The following FANCM variants were observed in gnomAD, a reference collection of about 807,000 sequenced individuals.
FANCM encodes the protein Fanconi anemia group M protein.
Under a neutral mutation model 199.5 loss-of-function variants are expected in FANCM, and 140 were observed. That is an observed-to-expected ratio of 0.70 (90% confidence interval 0.61 to 0.81). The LOEUF is 0.81. FANCM is among the 30% of genes least tolerant of loss of function. The pLI is 0.00. For missense variants in FANCM, 2,410 were observed against 2,421.4 expected, an observed-to-expected ratio of 1.00 and a Z score of 0.10; for synonymous variants, 840 against 836.8, an observed-to-expected ratio of 1.00 and a Z score of -0.07.
chr14:45,198,721 A>G lies in FANCM; in HGVS notation c.5794A>G (p.Ile1932Val), dbSNP rs1654626926. 1 of 1,613,890 alleles carries G rather than the reference A, an allele frequency of 6.2e-7. No homozygotes were observed. Among genetic ancestry groups the G allele is most frequent in the Admixed American group, 1.7e-5 (1 of 60,004 alleles). The change falls in exon 22 of 23, where the codon ATT (isoleucine) becomes GTT (valine). Residue 1932 changes from isoleucine (I) to valine (V), a missense_variant. Ile to Val is a conservative substitution (Grantham distance 29). Transcript: ENST00000267430. Reference sequence around the variant, plus strand: ...TACCTTAATTGGCGCTGGAATCCGAATTCTTTTCAGTTCCTGCCAAGAAGA... The same window carrying G: ...TACCTTAATTGGCGCTGGAATCCGAGTTCTTTTCAGTTCCTGCCAAGAAGA... ...LTTLIGAGIR[I>V]LFSSCQEETA...
At chr14:45,197,077 G>A (rs1890099398) in intron 21 of FANCM, among the ~76,000 whole-genome samples, 1 of 152,180 alleles carries the variant, frequency 6.6e-6, no homozygotes, top group African/African-American at 2.4e-5. Flanking sequence ...GCATTTGGAA[G>A]TGCAGGATTG....
chr14:45,145,751 C>T (rs999364897), intron 3 of FANCM, among the ~76,000 whole-genome samples: 3 of 151,886 alleles, frequency 2.0e-5, no homozygotes, highest in Non-Finnish European at 4.4e-5. Flanking sequence ...AGTGAAACCC[C>T]GTCTCTACTA....
intron 5 of FANCM, 100 bp downstream of exon 5, chr14:45,151,628 A>G (rs553258548): frequency 8.9e-6 from 10 of 1,129,482 alleles, no homozygotes; most frequent in African/African-American, 3.1e-5. Flanking sequence ...TAGCTCATCA[A>G]TAATTGAAAA....
chr14:45,188,402 A>T (rs1375406717), intron 19 of FANCM, among the ~76,000 whole-genome samples: 2 of 152,224 alleles, frequency 1.3e-5, no homozygotes, highest in East Asian at 1.9e-4. Flanking sequence ...TTTCATAAAA[A>T]TGTTAAATGC....
intron 13 of FANCM, among the ~76,000 whole-genome samples, chr14:45,173,522 A>G (rs534396912): frequency 4.8e-4 from 73 of 152,266 alleles, no homozygotes; most frequent in African/African-American, 1.7e-3. Flanking sequence ...TCTGTCATCT[A>G]GGTTATTTGA....
In FANCM at chr14:45,164,512, C is replaced by T. The variant is rs149698772; in HGVS notation, c.1735C>T (p.Arg579Cys). 9 of 1,613,398 alleles carry T rather than the reference C, an allele frequency of 5.6e-6. No individual in the cohort carries two copies. Among genetic ancestry groups the T allele is most frequent in the Non-Finnish European group, 7.6e-6 (9 of 1,179,984 alleles). The change falls in exon 10 of 23, where the codon CGT becomes TGT. Residue 579 changes from arginine (R) to cysteine (C), a missense_variant. Transcript: ENST00000267430. ...TGTACAACGAATGGGTAGAACTGGC[C>T]GTAAACGTCAAGGCAGGATAGTTAT... ...RLVQRMGRTG[R>C]KRQGRIVIIL... is the part of the protein sequence containing the mutation.
chr14:45,198,578 G>A (rs1445284847), intron 21 of FANCM, 66 bp from the exon 22 acceptor site: 12 of 849,904 alleles, frequency 1.4e-5, no homozygotes, highest in Admixed American at 3.1e-5. Context: ...ATAAAATAAA[G>A]TATATTAATA....
Position 45,175,707 on chromosome 14 carries a change from G to T in FANCM, c.2953G>T (p.Glu985Ter), listed in dbSNP as rs757786801. 6.2e-7 allele frequency: 1 copy of T among 1,613,760 alleles called. No individual in the cohort carries two copies. Among genetic ancestry groups the T allele is most frequent in the South Asian group, 1.1e-5 (1 of 91,070 alleles). Reference sequence around the variant, plus strand: ...TTATAATTGTCACTCATTGACAAAAGAGGTACTAGCTAATGTAGAGAGATT... The same window carrying T: ...TTATAATTGTCACTCATTGACAAAATAGGTACTAGCTAATGTAGAGAGATT... ...QFYNCHSLTK[E>*]VLANVERFLS... Residue 985 changes from glutamate (E) to a stop codon, truncating the protein, a stop_gained, in exon 14 of 23, where the codon GAG becomes TAG. Transcript: ENST00000267430. LOFTEE classifies it high-confidence loss of function.
chr14:45,155,719 A>G (rs2139174972), intron 8 of FANCM, among the ~76,000 whole-genome samples: 1 of 152,354 alleles, frequency 6.6e-6, no homozygotes, highest in South Asian at 2.1e-4. Context: ...GAATCGCTTG[A>G]ACCTGGGAGG....
Position 45,136,117 on chromosome 14 carries a change from C to G in FANCM, c.86C>G (p.Thr29Ser), listed in dbSNP as rs1333987781. 2 of 1,614,170 alleles carry G rather than the reference C, an allele frequency of 1.2e-6. No homozygotes were observed. The highest frequency in any genetic ancestry group is 1.6e-4 in the Middle Eastern group (1 of 6,062). The change falls in exon 1 of 23, where the codon ACT (threonine) becomes AGT (serine). Residue 29 changes from threonine (T) to serine (S), a missense_variant. Transcript: ENST00000267430. ...GGGACTCCGGGTTGCAGCTCCGGAA[C>G]TGAGCGACCTCAGAGCCCTGGCAGC... is the stretch of plus-strand genomic sequence containing the variant. ...SSGTPGCSSG[T>S]ERPQSPGSSK...
At chr14:45,173,494 G>A (rs927359851) in intron 13 of FANCM, among the ~76,000 whole-genome samples, 68 of 152,054 alleles carry the variant, frequency 4.5e-4, no homozygotes, top group African/African-American at 1.5e-3. Context: ...TTTTGGATTC[G>A]GATTTATTGA....
rs201232194 is a variant in FANCM at position 45,175,131 on chromosome 14, A to T, written c.2377A>T (p.Thr793Ser). 1.8e-5 allele frequency: 29 copies of T among 1,612,214 alleles called. No individual in the cohort carries two copies. In the Admixed American group the frequency reaches 4.5e-4, roughly 25 times the overall value. ...TTTACAAATGGAAGATGTTACCTCA[A>T]CATTTATTGCTCCCAGGAATGAATC... ...SYLQMEDVTS[T>S]FIAPRNESNN... Residue 793 changes from threonine to serine, a missense_variant, in exon 14 of 23, where the codon ACA becomes TCA. By Grantham distance (58) the Thr-to-Ser change is moderately conservative. Transcript: ENST00000267430.
chr14:45,182,930 G>A (rs966812416), intron 16 of FANCM, among the ~76,000 whole-genome samples: 1 of 152,124 alleles, frequency 6.6e-6, no homozygotes, highest in Non-Finnish European at 1.5e-5. Context: ...AATATCTCAT[G>A]TAATTTATTA....
At chr14:45,194,558 A>G (rs1418094124) in intron 20 of FANCM, among the ~76,000 whole-genome samples, 1 of 152,176 alleles carries the variant, frequency 6.6e-6, no homozygotes, top group African/African-American at 2.4e-5. Flanking sequence ...TAATAGTAAT[A>G]TACAGATATA....
At chr14:45,149,082 T>C (rs1886636279) in intron 4 of FANCM, 87 bp downstream of exon 4, 2 of 1,068,694 alleles carry the variant, frequency 1.9e-6, no homozygotes, top group Non-Finnish European at 2.8e-6. Flanking sequence ...TGTGATAATA[T>C]AGTTATCTTA....
rs2139291737 is a variant in FANCM at position 45,187,766 on chromosome 14, C to G, written c.4673-15C>G. 1 of 1,294,788 alleles carries G rather than the reference C, an allele frequency of 7.7e-7. No individual in the cohort carries two copies. The highest frequency in any genetic ancestry group is 2.3e-5 in the East Asian group (1 of 43,080). 80.2% of individuals were successfully genotyped at this position (1,294,788 alleles called of 1,614,324 possible). ...ATAATTTTGCTAATTTATCTAAATTCTTATCTTTACACAGATTCTGAAATG... is the reference window on the plus strand; with the variant it reads ...ATAATTTTGCTAATTTATCTAAATTGTTATCTTTACACAGATTCTGAAATG... On this transcript the variant is annotated splice_polypyrimidine_tract_variant and intron_variant, in intron 18 of 22. Coordinates refer to ENST00000267430, the MANE Select transcript of FANCM (RefSeq NM_020937.4).
chr14:45,148,102 C>G (rs1274484666), intron 3 of FANCM, among the ~76,000 whole-genome samples: 2 of 151,898 alleles, frequency 1.3e-5, no homozygotes, highest in African/African-American at 4.8e-5. Context: ...GAGGCTGAGG[C>G]AGGAGAATCG....
chr14:45,196,172 G>A lies in FANCM; in HGVS notation c.5341G>A (p.Asp1781Asn). The change falls in exon 21 of 23, where the codon GAT becomes AAT. Residue 1781 changes from aspartate to asparagine, a missense_variant and splice_region_variant. Asp to Asn is a conservative substitution (Grantham distance 23). Coordinates refer to ENST00000267430, the MANE Select transcript of FANCM (RefSeq NM_020937.4). Reference protein sequence around the residue: ...DCRKFPVPQKDGSALEDSSTS... With the variant: ...DCRKFPVPQKNGSALEDSSTS... ...TGACCAGTGTTTTCCACTTTTTCAG[G>A]ATGGTAGTGCTTTGGAGGATTCTAG... 1 of 1,614,074 alleles carries A rather than the reference G, an allele frequency of 6.2e-7. No homozygotes were observed. The highest frequency in any genetic ancestry group is 1.1e-5 in the South Asian group (1 of 91,072).
Position 45,198,833 on chromosome 14 carries a change from A to G in FANCM, c.5906A>G (p.Lys1969Arg). The G allele has an allele frequency of 1.9e-6, 3 of 1,613,470 alleles. No homozygotes were observed. The highest frequency in any genetic ancestry group is 2.5e-6 in the Non-Finnish European group (3 of 1,179,428). Residue 1969 changes from lysine to arginine, a missense_variant, in exon 22 of 23, where the codon AAA becomes AGA. Lys to Arg is a conservative substitution (Grantham distance 26). Transcript: ENST00000267430. ...GTTCCAACAGTGGTGAATAGTAATA[A>G]AAGTGAGGCACTCCAGTTTTATTTA... The part of the protein sequence containing the change: ...IHVPTVVNSN[K>R]SEALQFYLSI...
Sources: allele counts gnomAD v4.1 joint callset (sites outside exome capture counted in the v4.1 genomes callset), GRCh38; gene constraint gnomAD v4.1.1; transcripts MANE v1.5; gene names NCBI Gene and HGNC (gene_info 2026-07-23, HGNC 2026-07-21).